Variants in RPS6KC1 observed in about 807,000 individuals in gnomAD.
The protein encoded by RPS6KC1 is ribosomal protein S6 kinase C1.
RPS6KC1 carries 54 observed loss-of-function variants against 103.8 expected under a neutral mutation model. The ratio of observed to expected loss-of-function variants is 0.52; its 90% CI spans 0.42 to 0.65. RPS6KC1 has a LOEUF of 0.65. Ranked by LOEUF, RPS6KC1 falls within the 30% of genes least tolerant of loss-of-function variation. The pLI, the probability that RPS6KC1 is intolerant of heterozygous loss-of-function variation, is 0.00. For missense variants in RPS6KC1, 1,151 were observed against 1,253.8 expected (o/e 0.92, Z 1.24); for synonymous variants, 439 against 438.7 (o/e 1.00, Z -0.01).
the RPS6KC1 span, among the ~76,000 whole-genome samples, chr1:213,799,551 A>C: frequency 6.6e-6 from 1 of 152,240 alleles, no homozygotes; most frequent in Non-Finnish European, 1.5e-5. Context: ...AACTATAGGA[A>C]ATTTCCCTGT....
the RPS6KC1 span, among the ~76,000 whole-genome samples, chr1:213,327,029 T>G: frequency 6.6e-6 from 1 of 151,850 alleles, no homozygotes; most frequent in Admixed American, 6.6e-5. Flanking sequence ...TTCTTCCTCT[T>G]TTTTCTTTTT....
the RPS6KC1 span, among the ~76,000 whole-genome samples, chr1:213,771,791 G>T: frequency 6.6e-6 from 1 of 152,140 alleles, no homozygotes; most frequent in Non-Finnish European, 1.5e-5. Flanking sequence ...TTTCACCAAA[G>T]CAATTAATAT....
the RPS6KC1 span, among the ~76,000 whole-genome samples, chr1:213,684,480 C>T: frequency 6.6e-6 from 1 of 152,184 alleles, no homozygotes; most frequent in Admixed American, 6.5e-5. Context: ...GGTGCCTGTG[C>T]CCATCTCAAC....
the RPS6KC1 span, among the ~76,000 whole-genome samples, chr1:213,720,244 C>T: frequency 6.6e-6 from 1 of 152,182 alleles, no homozygotes; most frequent in Non-Finnish European, 1.5e-5. Context: ...GAGCCAAATC[C>T]AGTCAATTAA....
chr1:213,131,335 A>G (rs771771968), intron 6 of RPS6KC1, among the ~76,000 whole-genome samples: 4 of 152,164 alleles, frequency 2.6e-5, no homozygotes, highest in Non-Finnish European at 5.9e-5. Flanking sequence ...AATATTAGCT[A>G]TCACTTTTAA....
the RPS6KC1 span, among the ~76,000 whole-genome samples, chr1:213,665,716 A>G: frequency 1.3e-5 from 2 of 152,326 alleles, no homozygotes; most frequent in South Asian, 4.1e-4. Context: ...ATATGTGAAC[A>G]ATGGTATAGG....
the RPS6KC1 span, among the ~76,000 whole-genome samples, chr1:213,617,775 G>C: frequency 6.6e-6 from 1 of 152,198 alleles, no homozygotes; most frequent in Non-Finnish European, 1.5e-5. Context: ...GTTGGTTCAT[G>C]AGAACAAAGA....
At chr1:213,733,368 T>C in the RPS6KC1 span, among the ~76,000 whole-genome samples, 8 of 151,624 alleles carry the variant, frequency 5.3e-5, no homozygotes, top group African/African-American at 1.7e-4. Context: ...GCCTCCAGAG[T>C]AGGTGGGACT....
At chr1:213,832,062 T>C in the RPS6KC1 span, among the ~76,000 whole-genome samples, 1 of 152,196 alleles carries the variant, frequency 6.6e-6, no homozygotes, top group Non-Finnish European at 1.5e-5. Flanking sequence ...ACCCATGTAT[T>C]TGGTCTGTGG....
intron 6 of RPS6KC1, among the ~76,000 whole-genome samples, chr1:213,144,859 G>A (rs1056403729): frequency 1.3e-5 from 2 of 151,918 alleles, no homozygotes; most frequent in Non-Finnish European, 2.9e-5. Flanking sequence ...GGCGGATCAC[G>A]AGGTCAGGAG....
chr1:213,606,402 T>A, the RPS6KC1 span, among the ~76,000 whole-genome samples: 1 of 152,216 alleles, frequency 6.6e-6, no homozygotes, highest in African/African-American at 2.4e-5. Context: ...ACTTATTTTG[T>A]CACATTCTGT....
At chr1:213,117,472 T>C (rs1437456211) in intron 5 of RPS6KC1, 62 bp downstream of exon 5, 6 of 911,766 alleles carry the variant, frequency 6.6e-6, no homozygotes, top group Non-Finnish European at 1.1e-5. Context: ...ATAAATCATA[T>C]CTGCATTGCA....
the RPS6KC1 span, among the ~76,000 whole-genome samples, chr1:213,465,497 C>T: frequency 6.6e-6 from 1 of 152,174 alleles, no homozygotes; most frequent in Non-Finnish European, 1.5e-5. Flanking sequence ...TGTGTATTGA[C>T]ATCCTTGCTA....
the RPS6KC1 span, among the ~76,000 whole-genome samples, chr1:213,608,159 C>T: frequency 6.6e-6 from 1 of 152,158 alleles, no homozygotes; most frequent in South Asian, 2.1e-4. Context: ...ATCAGAGCCT[C>T]TCCCAGGAAG....
chr1:213,381,857 G>T, the RPS6KC1 span, among the ~76,000 whole-genome samples: 38 of 152,178 alleles, frequency 2.5e-4, no homozygotes, highest in African/African-American at 8.7e-4. Context: ...CCTCGCGCCT[G>T]CAGGAGGGGA....
chr1:213,358,005 GC>G, the RPS6KC1 span, among the ~76,000 whole-genome samples: 13 of 152,304 alleles, frequency 8.5e-5, no homozygotes, highest in South Asian at 2.3e-3. Flanking sequence ...TGGTGGATAA[GC>G]TTTTTGATGT....
chr1:213,102,276 T>G (rs2082084719), intron 3 of RPS6KC1, among the ~76,000 whole-genome samples: 1 of 152,180 alleles, frequency 6.6e-6, no homozygotes, highest in Non-Finnish European at 1.5e-5. Flanking sequence ...TTTAATGAGA[T>G]GTAGTCTCGC....
At chr1:213,782,171 G>A in the RPS6KC1 span, among the ~76,000 whole-genome samples, 1 of 152,066 alleles carries the variant, frequency 6.6e-6, no homozygotes, top group South Asian at 2.1e-4. Flanking sequence ...GATAGAAGTT[G>A]CTTCTATCTT....
chr1:213,435,639 T>C, the RPS6KC1 span, among the ~76,000 whole-genome samples: 2 of 152,350 alleles, frequency 1.3e-5, no homozygotes, highest in South Asian at 4.1e-4. Context: ...CTGTGAATTA[T>C]GAGGTTTTCC....
Sources: allele counts gnomAD v4.1 joint callset (sites outside exome capture counted in the v4.1 genomes callset), GRCh38; gene constraint gnomAD v4.1.1; transcripts MANE v1.5; gene names NCBI Gene and HGNC (gene_info 2026-07-23, HGNC 2026-07-21).